The following CACNA2D3 variants were observed in gnomAD, a reference collection of about 807,000 sequenced individuals.
CACNA2D3 encodes the protein voltage-dependent calcium channel subunit alpha-2/delta-3.
In CACNA2D3, 60 loss-of-function variants were observed where a neutral mutation model predicts 160.6. The ratio of observed to expected loss-of-function variants is 0.37; its 90% CI spans 0.30 to 0.46. The LOEUF (loss-of-function observed/expected upper bound fraction) is 0.46, where lower values mean the gene tolerates loss of function less well. Ranked by LOEUF, CACNA2D3 falls within the 20% of genes least tolerant of loss-of-function variation. CACNA2D3 has a pLI of 1.00. For synonymous variants in CACNA2D3, 558 were observed against 492.9 expected (o/e 1.13, Z -1.75); for missense variants, 1,205 against 1,365.0 (o/e 0.88, Z 1.85).
chr3:54,441,867 CAG>C (rs557959742), intron 4 of CACNA2D3, among the ~76,000 whole-genome samples: 13 of 152,182 alleles, frequency 8.5e-5, no homozygotes, highest in African/African-American at 1.2e-4. Flanking sequence ...GGAAATGACA[CAG>C]AAACTGTCAT....
chr3:54,204,551 C>T (rs1218952684), intron 2 of CACNA2D3, among the ~76,000 whole-genome samples: 1 of 152,028 alleles, frequency 6.6e-6, no homozygotes, highest in Non-Finnish European at 1.5e-5. Context: ...AATCCCAGCA[C>T]TTTGGGAGGC....
intron 5 of CACNA2D3, 30 bp from the exon 6 acceptor site, chr3:54,562,770 C>A: frequency 6.3e-7 from 1 of 1,594,726 alleles, no homozygotes; most frequent in Non-Finnish European, 8.6e-7. Flanking sequence ...GTTTCTAATA[C>A]ACCCCTCTCT....
At chr3:55,011,746 A>G (rs998381336) in intron 34 of CACNA2D3, among the ~76,000 whole-genome samples, 2 of 152,248 alleles carry the variant, frequency 1.3e-5, no homozygotes, top group African/African-American at 4.8e-5. Flanking sequence ...GGAAAAGAAG[A>G]CTATCATGTC....
intron 14 of CACNA2D3, among the ~76,000 whole-genome samples, chr3:54,836,282 T>G (rs1698685208): frequency 6.8e-6 from 1 of 147,922 alleles, no homozygotes; most frequent in African/African-American, 2.5e-5. Context: ...TCACCCAGCC[T>G]GGAGTGCAGT....
At chr3:54,891,242 G>T in intron 24 of CACNA2D3, 113 bp from the exon 25 acceptor site, 16 of 543,232 alleles carry the variant, frequency 2.9e-5, no homozygotes, top group East Asian at 3.8e-5. Flanking sequence ...TTCTTTTAAA[G>T]TTTAAGTTTC....
At chr3:54,344,225 G>C (rs1191789939) in intron 3 of CACNA2D3, among the ~76,000 whole-genome samples, 2 of 152,252 alleles carry the variant, frequency 1.3e-5, no homozygotes, top group Non-Finnish European at 2.9e-5. Flanking sequence ...TCCCTCCTCT[G>C]TTCCAGGGCA....
intron 4 of CACNA2D3, among the ~76,000 whole-genome samples, chr3:54,468,152 A>G (rs1700662028): frequency 2.0e-5 from 3 of 152,226 alleles, no homozygotes; most frequent in African/African-American, 4.8e-5. Context: ...AAGATGGCCA[A>G]ATACAAACAA....
At chr3:54,623,941 G>A (rs994801606) in intron 9 of CACNA2D3, among the ~76,000 whole-genome samples, 1 of 152,182 alleles carries the variant, frequency 6.6e-6, no homozygotes, top group African/African-American at 2.4e-5. Flanking sequence ...CTGGTTTTGT[G>A]TAGGAGAGTT....
At position 54,878,887 on chromosome 3, in the gene CACNA2D3, T is replaced by C. The variant is rs938905498; in HGVS notation, c.1711-131T>C. The C allele has an allele frequency of 7.3e-6, 4 of 544,368 alleles. No homozygotes were observed. In the African/African-American group the frequency reaches 7.9e-5, roughly 11 times the overall value. 33.7% of individuals were successfully genotyped at this position (544,368 alleles called of 1,614,324 possible). A position where few individuals can be genotyped will look rare whatever the true frequency, so the allele number is the denominator to read the frequency against. On this transcript the variant is annotated intron_variant, in intron 18 of 37. Coordinates refer to ENST00000474759, the MANE Select transcript of CACNA2D3 (RefSeq NM_018398.3). ...ATTGTACATGAGCAGTTGGGTGTTTTATTCTTCAGAAGCTCTGTTTTCGAG... is the reference window on the plus strand; with the variant it reads ...ATTGTACATGAGCAGTTGGGTGTTTCATTCTTCAGAAGCTCTGTTTTCGAG...
chr3:54,949,103 A>G (rs1701690152), intron 27 of CACNA2D3, among the ~76,000 whole-genome samples: 1 of 152,132 alleles, frequency 6.6e-6, no homozygotes, highest in South Asian at 2.1e-4. Context: ...ATCTGAGCAG[A>G]TTGGCAAACT....
chr3:54,529,126 G>T (rs527666667), intron 5 of CACNA2D3, among the ~76,000 whole-genome samples: 4 of 152,206 alleles, frequency 2.6e-5, no homozygotes, highest in African/African-American at 9.7e-5. Flanking sequence ...CAGCACAGGG[G>T]TGCCACCATG....
chr3:54,374,446 G>A (rs1698974878), intron 3 of CACNA2D3, among the ~76,000 whole-genome samples: 1 of 152,234 alleles, frequency 6.6e-6, no homozygotes, highest in African/African-American at 2.4e-5. Flanking sequence ...TACCGTAGAA[G>A]ACACAGCTTA....
At chr3:54,208,079 T>C (rs760145647) in intron 2 of CACNA2D3, among the ~76,000 whole-genome samples, 1 of 152,164 alleles carries the variant, frequency 6.6e-6, no homozygotes, top group African/African-American at 2.4e-5. Context: ...GTTCTGGTGC[T>C]CTGTTTGTTG....
At chr3:54,794,463 C>T (rs1313519360) in intron 13 of CACNA2D3, among the ~76,000 whole-genome samples, 2 of 152,024 alleles carry the variant, frequency 1.3e-5, no homozygotes, top group Non-Finnish European at 2.9e-5. Context: ...TTATAGTTAC[C>T]CACATGTTTT....
chr3:54,942,996 C>T (rs1257957609), intron 27 of CACNA2D3, among the ~76,000 whole-genome samples: 1 of 152,014 alleles, frequency 6.6e-6, no homozygotes, highest in Non-Finnish European at 1.5e-5. Context: ...TGCACTCCAG[C>T]CTGGGCGACA....
At chr3:54,186,620 C>T (rs1317569398) in intron 2 of CACNA2D3, among the ~76,000 whole-genome samples, 1 of 152,094 alleles carries the variant, frequency 6.6e-6, no homozygotes, top group Non-Finnish European at 1.5e-5. Flanking sequence ...TCTCTTCATA[C>T]TACATGACTG....
intron 11 of CACNA2D3, among the ~76,000 whole-genome samples, chr3:54,710,281 C>G (rs547660806): frequency 6.6e-6 from 1 of 152,252 alleles, no homozygotes; most frequent in Middle Eastern, 3.4e-3. Flanking sequence ...TTTGTATTAA[C>G]GAGGCTAGGC....
chr3:54,944,056 A>G (rs1037337110), intron 27 of CACNA2D3, among the ~76,000 whole-genome samples: 2 of 152,138 alleles, frequency 1.3e-5, no homozygotes, highest in Non-Finnish European at 1.5e-5. Context: ...TTTTGAAGGC[A>G]TTGCTCCATT....
chr3:54,145,535 G>A (rs866104662), intron 2 of CACNA2D3, among the ~76,000 whole-genome samples: 6 of 152,320 alleles, frequency 3.9e-5, no homozygotes, highest in Middle Eastern at 6.8e-3. Flanking sequence ...GATTCCAGGT[G>A]GTTTCTGAAT....
Sources: allele counts gnomAD v4.1 joint callset (sites outside exome capture counted in the v4.1 genomes callset), GRCh38; gene constraint gnomAD v4.1.1; transcripts MANE v1.5; gene names NCBI Gene and HGNC (gene_info 2026-07-23, HGNC 2026-07-21).